The following GRID2 variants were observed in gnomAD, a reference collection of about 807,000 sequenced individuals.
GRID2 encodes the protein glutamate receptor ionotropic, delta-2.
GRID2 carries 33 observed loss-of-function variants against 114.8 expected under a neutral mutation model. That is an observed-to-expected ratio of 0.29 (90% CI 0.22 to 0.38). GRID2 has a LOEUF of 0.38. GRID2 is among the 10% of genes least tolerant of loss of function. GRID2 has a pLI of 1.00. For missense variants in GRID2, 1,184 were observed against 1,257.7 expected, an observed-to-expected ratio of 0.94 and a Z score of 0.89; for synonymous variants, 505 against 449.9, an observed-to-expected ratio of 1.12 and a Z score of -1.55.
At chr4:92,692,366 A>G (rs1489398133) in intron 2 of GRID2, among the ~76,000 whole-genome samples, 1 of 152,146 alleles carries the variant, frequency 6.6e-6, no homozygotes, top group Non-Finnish European at 1.5e-5. Flanking sequence ...TTTATCTTTT[A>G]TATAGTCCAT....
At chr4:92,390,229 C>G (rs1730175427) in intron 1 of GRID2, among the ~76,000 whole-genome samples, 1 of 152,094 alleles carries the variant, frequency 6.6e-6, no homozygotes, top group Non-Finnish European at 1.5e-5. Context: ...CATGTACTCA[C>G]TTCATTTACC....
Position 92,591,967 on chromosome 4 carries a change from C to T in GRID2, c.244+1681C>T, listed in dbSNP as rs530523256. Among the ~76,000 whole-genome samples, 21 of 151,304 alleles carry T rather than the reference C, an allele frequency of 1.4e-4. No individual in the cohort carries two copies. The South Asian group carries it at 2.3e-3, about 17-fold the overall frequency. On this transcript the variant is annotated intron_variant, in intron 2 of 15. Transcript: ENST00000282020. ...TTACATTTTAAAATCAGAATCATCC[C>T]GACAATATAAGGATTTCAATACTGG...
At chr4:92,884,961 G>T in intron 2 of GRID2, 1 of 315,026 alleles carries the variant, frequency 3.2e-6, no homozygotes. Flanking sequence ...CATCTAAAAG[G>T]CAAAGTGTTT....
At chr4:92,776,470 G>A (rs1207069772) in intron 2 of GRID2, among the ~76,000 whole-genome samples, 1 of 152,030 alleles carries the variant, frequency 6.6e-6, no homozygotes, top group Non-Finnish European at 1.5e-5. Context: ...AAGGGTCGGT[G>A]TGAGTGTGCT....
At chr4:93,488,529 T>G (rs923595727) in intron 11 of GRID2, among the ~76,000 whole-genome samples, 2 of 151,990 alleles carry the variant, frequency 1.3e-5, no homozygotes, top group Non-Finnish European at 2.9e-5. Context: ...CATTCACGTA[T>G]TGATAGAACT....
At chr4:93,776,118 T>A (rs1734364128), downstream of GRID2, among the ~76,000 whole-genome samples, 1 of 152,200 alleles carries the variant, frequency 6.6e-6, no homozygotes, top group South Asian at 2.1e-4. Flanking sequence ...ATAGGTTTTA[T>A]CCTTAAATAT....
chr4:93,606,483 A>G (rs1172767755), intron 13 of GRID2, among the ~76,000 whole-genome samples: 2 of 152,184 alleles, frequency 1.3e-5, no homozygotes, highest in Non-Finnish European at 2.9e-5. Context: ...GAAATGTCTC[A>G]CTTATTTTAG....
rs989669672 is a variant in GRID2 at position 92,936,837 on chromosome 4, A to G, written c.245-148158A>G. 3.4e-5 allele frequency among the ~76,000 whole-genome samples: 5 copies of G among 146,546 alleles called. 1 individual carries two copies. Among genetic ancestry groups the G allele is most frequent in the Non-Finnish European group, 7.5e-5 (5 of 66,240 alleles). ...TCCTCAAAGAAACTTAGCCAAATAT[A>G]TGTATGTTTTGTTTGTTTGAATTTT... On this transcript the variant is annotated intron_variant, in intron 2 of 15. Transcript: ENST00000282020.
intron 1 of GRID2, among the ~76,000 whole-genome samples, chr4:92,477,815 TTAAAA>T: frequency 6.8e-6 from 1 of 147,264 alleles, no homozygotes; most frequent in Non-Finnish European, 1.5e-5. Flanking sequence ...ATTAATATAA[TTAAAA>T]TAATATATAT....
intron 2 of GRID2, among the ~76,000 whole-genome samples, chr4:92,598,452 A>G (rs1488201726): frequency 6.6e-6 from 1 of 152,040 alleles, no homozygotes; most frequent in Non-Finnish European, 1.5e-5. Flanking sequence ...TTGACTCTCC[A>G]TATTATACTG....
chr4:93,134,800 C>T (rs1271312750), intron 4 of GRID2, among the ~76,000 whole-genome samples: 1 of 152,048 alleles, frequency 6.6e-6, no homozygotes, highest in Non-Finnish European at 1.5e-5. Flanking sequence ...GGTCCCTTCA[C>T]CAATTCTACC....
chr4:93,523,976 C>A (rs1258405190), intron 13 of GRID2, among the ~76,000 whole-genome samples: 2 of 152,046 alleles, frequency 1.3e-5, no homozygotes, highest in Non-Finnish European at 2.9e-5. Context: ...ATTCCCCTTC[C>A]TCCTAGAGCT....
At chr4:93,692,448 G>A (rs1726652464) in intron 14 of GRID2, among the ~76,000 whole-genome samples, 1 of 152,054 alleles carries the variant, frequency 6.6e-6, no homozygotes, top group South Asian at 2.1e-4. Context: ...CACCAAGAAT[G>A]TATCTGCTAC....
intron 14 of GRID2, among the ~76,000 whole-genome samples, chr4:93,680,844 G>A (rs918608131): frequency 6.6e-6 from 1 of 152,032 alleles, no homozygotes; most frequent in African/African-American, 2.4e-5. Context: ...GCAAAAACTG[G>A]AAGCATTCCC....
chr4:92,770,638 C>T (rs1412608458), intron 2 of GRID2, among the ~76,000 whole-genome samples: 1 of 152,096 alleles, frequency 6.6e-6, no homozygotes. Flanking sequence ...CAATTCATGT[C>T]TTACATGAAT....
intron 11 of GRID2, among the ~76,000 whole-genome samples, chr4:93,471,993 C>A (rs1387571850): frequency 1.3e-5 from 2 of 150,446 alleles, no homozygotes; most frequent in African/African-American, 4.9e-5. Context: ...AGCCACCTTG[C>A]CTAGCCTTGA....
chr4:93,654,631 G>A (rs1440151040), intron 14 of GRID2, among the ~76,000 whole-genome samples: 1 of 151,952 alleles, frequency 6.6e-6, no homozygotes, highest in Non-Finnish European at 1.5e-5. Flanking sequence ...AGATACAAGA[G>A]AATAAAAATA....
At chr4:93,630,429 G>C (rs1368342856) in intron 14 of GRID2, among the ~76,000 whole-genome samples, 1 of 152,128 alleles carries the variant, frequency 6.6e-6, no homozygotes, top group African/African-American at 2.4e-5. Context: ...GTTGACTTCA[G>C]AATCTTAACA....
At chr4:92,510,358 T>G (rs1294087032) in intron 1 of GRID2, among the ~76,000 whole-genome samples, 1 of 151,872 alleles carries the variant, frequency 6.6e-6, no homozygotes, top group Non-Finnish European at 1.5e-5. Context: ...ATTTGAGATA[T>G]CCATTAGACA....
Sources: gnomAD v4.1 joint callset for allele counts (sites outside exome capture counted in the v4.1 genomes callset) on GRCh38, gnomAD v4.1.1 for gene constraint, MANE v1.5 for transcripts, NCBI Gene and HGNC (gene_info 2026-07-23, HGNC 2026-07-21) for gene names.